ROBO2: variants seen among roughly 807,000 people sequenced by gnomAD.
ROBO2 encodes roundabout homolog 2.
A neutral mutation model predicts 160.8 loss-of-function variants in ROBO2; 53 were observed. The ratio of observed to expected loss-of-function variants is 0.33; its 90% CI spans 0.26 to 0.41. The LOEUF (loss-of-function observed/expected upper bound fraction) is 0.41, where lower values mean the gene tolerates loss of function less well. ROBO2 is among the 10% of genes least tolerant of loss of function. The pLI, the probability that ROBO2 is intolerant of heterozygous loss-of-function variation, is 1.00. For missense variants in ROBO2, 1,577 were observed against 1,722.4 expected (o/e 0.92, Z 1.49); for synonymous variants, 664 against 611.7 (o/e 1.09, Z -1.26).
In ROBO2 at chr3:77,617,920, T is replaced by A. The variant is rs924599160; in HGVS notation, c.3554+147T>A. The stretch of plus-strand genomic sequence containing the variant: ...CTCCTTAATCATTTAGATAAATGTA[T>A]CCACTGAGAAATGTTAAATAATTTG... On this transcript the variant is annotated intron_variant, in intron 22 of 25. Coordinates refer to ENST00000461745, the Ensembl canonical transcript of ROBO2. The A allele has an allele frequency of 2.4e-5, 20 of 850,210 alleles. No individual in the cohort carries two copies. In the Admixed American group the frequency reaches 3.3e-4, roughly 14 times the overall value. 52.7% of individuals were successfully genotyped at this position (850,210 alleles called of 1,614,324 possible).
chr3:76,652,858 C>T (rs966847140), intron 2 of ROBO2, among the ~76,000 whole-genome samples: 3 of 151,880 alleles, frequency 2.0e-5, no homozygotes, highest in Non-Finnish European at 4.4e-5. Flanking sequence ...GGGTTATGGC[C>T]TCTTTTTTTA....
intron 2 of ROBO2, among the ~76,000 whole-genome samples, chr3:77,293,221 G>A (rs559730271): frequency 6.6e-6 from 1 of 151,384 alleles, no homozygotes; most frequent in Non-Finnish European, 1.5e-5. Context: ...GTAAGCTGAG[G>A]CTAGATCACC....
At chr3:76,444,928 G>T (rs913047799) in intron 2 of ROBO2, among the ~76,000 whole-genome samples, 1 of 152,002 alleles carries the variant, frequency 6.6e-6, no homozygotes, top group Non-Finnish European at 1.5e-5. Context: ...AAAATTATAT[G>T]CAGGCATTCA....
intron 2 of ROBO2, among the ~76,000 whole-genome samples, chr3:76,578,914 C>A (rs2085479431): frequency 6.6e-6 from 1 of 152,186 alleles, no homozygotes; most frequent in Non-Finnish European, 1.5e-5. Context: ...ATGGCCACTT[C>A]ATACACAGAG....
At chr3:75,950,938 T>A (rs1039214989) in intron 2 of ROBO2, among the ~76,000 whole-genome samples, 1 of 152,074 alleles carries the variant, frequency 6.6e-6, no homozygotes, top group African/African-American at 2.4e-5. Flanking sequence ...AGGTAAATAA[T>A]GATTTTACTA....
chr3:76,234,510 A>G (rs1407871355), intron 2 of ROBO2, among the ~76,000 whole-genome samples: 3 of 152,204 alleles, frequency 2.0e-5, no homozygotes. Context: ...GCAGCGTAAA[A>G]GTGTTCCCTT....
chr3:77,399,753 T>C (rs72899138), intron 2 of ROBO2, among the ~76,000 whole-genome samples: 20,388 of 152,092 alleles, frequency 0.13, 1,616 homozygotes, highest in African/African-American at 0.21. Flanking sequence ...TATGCATAAC[T>C]AGCTAGCCAG....
intron 2 of ROBO2, among the ~76,000 whole-genome samples, chr3:76,643,573 T>C (rs1049524912): frequency 3.9e-5 from 6 of 152,192 alleles, no homozygotes; most frequent in Admixed American, 2.6e-4. Flanking sequence ...TAATGTACAT[T>C]GAAGTCTAAC....
chr3:76,145,950 C>G (rs2071870179), intron 2 of ROBO2, among the ~76,000 whole-genome samples: 1 of 152,032 alleles, frequency 6.6e-6, no homozygotes. Context: ...GAAATGGTCG[C>G]AGTGAGGGGT....
At chr3:77,239,135 G>A (rs1003733564) in intron 2 of ROBO2, among the ~76,000 whole-genome samples, 1 of 152,064 alleles carries the variant, frequency 6.6e-6, no homozygotes, top group African/African-American at 2.4e-5. Context: ...TGAAGCCACG[G>A]ACCCTCACGG....
At chr3:77,331,099 C>A (rs936065228) in intron 2 of ROBO2, among the ~76,000 whole-genome samples, 1 of 152,162 alleles carries the variant, frequency 6.6e-6, no homozygotes, top group African/African-American at 2.4e-5. Context: ...TACACATTCT[C>A]CAATCTAGAT....
intron 2 of ROBO2, among the ~76,000 whole-genome samples, chr3:77,348,615 T>C (rs2067946609): frequency 1.3e-5 from 2 of 152,168 alleles, no homozygotes; most frequent in Non-Finnish European, 2.9e-5. Context: ...GTTGCTCTTG[T>C]TCACACGCCT....
intron 19 of ROBO2, among the ~76,000 whole-genome samples, chr3:77,599,933 A>G (rs2094398586): frequency 6.6e-6 from 1 of 152,200 alleles, no homozygotes; most frequent in African/African-American, 2.4e-5. Context: ...AGTCATTTGT[A>G]CAGATAATTA....
chr3:76,432,892 A>G (rs905169301), intron 2 of ROBO2, among the ~76,000 whole-genome samples: 7 of 151,910 alleles, frequency 4.6e-5, no homozygotes, highest in Admixed American at 4.6e-4. Context: ...GGAATGAAGG[A>G]AAAAAAGGGA....
chr3:77,398,501 A>G lies in ROBO2; in HGVS notation c.389-78913A>G, dbSNP rs542577742. ...TGTAAAATTACTTACATGGAAAAAA[A>G]TCATTTCCTTTGGTAAAGGGCTTTC... On this transcript the variant is annotated intron_variant, in intron 2 of 25. Transcript: ENST00000461745. Among the ~76,000 whole-genome samples, 10 of 152,278 alleles carry G rather than the reference A, an allele frequency of 6.6e-5. No individual in the cohort carries two copies. The East Asian group carries it at 1.7e-3, about 26-fold the overall frequency.
Position 76,263,836 on chromosome 3 carries a change from T to G in ROBO2, c.109+326234T>G, listed in dbSNP as rs890891128. On this transcript the variant is annotated intron_variant, in intron 2 of 26. Transcript: ENST00000487694. ...AACCAACCCAAATGACCATCAGTGA[T>G]AAACTGGATAAAGAAAATGTGGCAC... is the stretch of plus-strand genomic sequence containing the variant. 1.6e-4 allele frequency among the ~76,000 whole-genome samples: 25 copies of G among 152,004 alleles called. 1 individual carries two copies. The highest frequency in any genetic ancestry group is 6.6e-4 in the Admixed American group (10 of 15,252).
At chr3:76,873,591 T>C (rs116146484) in intron 2 of ROBO2, among the ~76,000 whole-genome samples, 2,020 of 152,054 alleles carry the variant, frequency 0.013, 38 homozygotes, top group African/African-American at 0.045. Context: ...TCGTCGTCGT[T>C]GTCGTCGTCG....
chr3:76,719,860 G>C (rs530173652), intron 2 of ROBO2, among the ~76,000 whole-genome samples: 2 of 147,990 alleles, frequency 1.4e-5, no homozygotes, highest in East Asian at 2.0e-4. Context: ...CTCCAGCCTG[G>C]GTGACAGAGT....
chr3:77,252,831 A>AAAAAAATATATATATATATATATATATAT, intron 2 of ROBO2, among the ~76,000 whole-genome samples: 1 of 12,518 alleles, frequency 8.0e-5, no homozygotes, highest in Non-Finnish European at 2.1e-4. Context: ...AAAAAAAAAA[A>AAAAAAATATATATATATATATATATATAT]ATATATATAT....
Sources: gnomAD v4.1 joint callset for allele counts (sites outside exome capture counted in the v4.1 genomes callset) on GRCh38, gnomAD v4.1.1 for gene constraint, MANE v1.5 for transcripts, NCBI Gene and HGNC (gene_info 2026-07-23, HGNC 2026-07-21) for gene names.